SGCD: variants seen among roughly 807,000 people sequenced by gnomAD.
SGCD encodes sarcoglycan delta, also known as delta-sarcoglycan.
A neutral mutation model predicts 36.6 loss-of-function variants in SGCD; 18 were observed. That is an observed-to-expected ratio of 0.49 (90% CI 0.34 to 0.73). The LOEUF (loss-of-function observed/expected upper bound fraction) is 0.73. Among genes scored for constraint, SGCD ranks in the 30% least tolerant of loss-of-function variants. The pLI, the probability that SGCD is intolerant of heterozygous loss-of-function variation, is 0.01. For missense variants in SGCD, 387 were observed against 346.7 expected (o/e 1.12, Z -0.92); for synonymous variants, 133 against 130.6 (o/e 1.02, Z -0.12).
chr5:155,929,543 G>A (rs1405091790), intron 1 of SGCD, among the ~76,000 whole-genome samples: 1 of 151,938 alleles, frequency 6.6e-6, no homozygotes, highest in East Asian at 1.9e-4. Flanking sequence ...AGCTCATAGA[G>A]TAGCCTCTCT....
chr5:156,527,681 T>A (rs76042330), intron 4 of SGCD, among the ~76,000 whole-genome samples: 1 of 152,222 alleles, frequency 6.6e-6, no homozygotes, highest in South Asian at 2.1e-4. Context: ...AGCTTTTTTT[T>A]AAGTCATGAA....
chr5:155,949,773 A>C (rs571548154), intron 1 of SGCD, among the ~76,000 whole-genome samples: 1 of 152,342 alleles, frequency 6.6e-6, no homozygotes, highest in East Asian at 1.9e-4. Context: ...TAGTTGTGAC[A>C]GAAATCACCT....
At chr5:156,323,859 A>G (rs1767737379), upstream of SGCD, among the ~76,000 whole-genome samples, 2 of 152,180 alleles carry the variant, frequency 1.3e-5, no homozygotes, top group Admixed American at 1.3e-4. Context: ...GAGACTGATG[A>G]GGAGTCCTTT....
chr5:156,570,764 C>T (rs1004112099), intron 4 of SGCD, among the ~76,000 whole-genome samples: 1 of 152,092 alleles, frequency 6.6e-6, no homozygotes, highest in South Asian at 2.1e-4. Flanking sequence ...TTAATAGTAT[C>T]CATGAGTTAT....
At chr5:156,522,610 A>G (rs2113047793) in intron 4 of SGCD, among the ~76,000 whole-genome samples, 1 of 152,196 alleles carries the variant, frequency 6.6e-6, no homozygotes, top group South Asian at 2.1e-4. Context: ...GGAGAGCATC[A>G]GGAAAAACAG....
rs138319435 is a variant in SGCD, at chr5:156,006,105, C to T, written c.-281-111773C>T. On this transcript the variant is annotated intron_variant, in intron 1 of 9. Coordinates refer to the SGCD transcript ENST00000517913. Reference sequence around the variant, plus strand: ...CAGTTTGTAGGCATTAGCCCTACCTCTAGTACGGAGTAAACATTCAATCAT... The same window carrying T: ...CAGTTTGTAGGCATTAGCCCTACCTTTAGTACGGAGTAAACATTCAATCAT... 5.6e-3 allele frequency among the ~76,000 whole-genome samples: 850 copies of T among 152,254 alleles called. 15 individuals are homozygous for T. Among genetic ancestry groups the T allele is most frequent in the African/African-American group, 0.019 (797 of 41,536 alleles).
chr5:156,383,407 G>A (rs367997509), intron 3 of SGCD, among the ~76,000 whole-genome samples: 2 of 152,154 alleles, frequency 1.3e-5, no homozygotes, highest in African/African-American at 4.8e-5. Context: ...CAGAGGCTGA[G>A]ACAGGAGAAT....
chr5:155,987,366 G>A (rs370896852), intron 1 of SGCD, among the ~76,000 whole-genome samples: 3 of 152,168 alleles, frequency 2.0e-5, no homozygotes, highest in South Asian at 2.1e-4. Flanking sequence ...TAAAATCCAC[G>A]CTCTTCCATG....
chr5:156,541,003 G>T (rs141525821), intron 4 of SGCD, among the ~76,000 whole-genome samples: 1 of 152,162 alleles, frequency 6.6e-6, no homozygotes, highest in South Asian at 2.1e-4. Flanking sequence ...AAAGTGTGAC[G>T]TAAGGAGAAA....
At chr5:155,938,794 C>T (rs949091452) in intron 1 of SGCD, among the ~76,000 whole-genome samples, 4 of 152,166 alleles carry the variant, frequency 2.6e-5, no homozygotes, top group East Asian at 1.9e-4. Flanking sequence ...AGTATACCTG[C>T]GAAGTAGACA....
intron 7 of SGCD, among the ~76,000 whole-genome samples, chr5:156,684,678 C>T (rs775693899): frequency 5.9e-5 from 9 of 152,306 alleles, no homozygotes; most frequent in East Asian, 3.9e-4. Flanking sequence ...TTCTTTCCCC[C>T]AGCAGGCTGG....
intron 3 of SGCD, among the ~76,000 whole-genome samples, chr5:156,347,503 G>A (rs1580853484): frequency 6.6e-6 from 1 of 152,166 alleles, no homozygotes; most frequent in East Asian, 1.9e-4. Flanking sequence ...CATTTTGGAA[G>A]ATTTCTGGTT....
chr5:155,963,299 T>G (rs1350190615), intron 1 of SGCD, among the ~76,000 whole-genome samples: 1 of 152,164 alleles, frequency 6.6e-6, no homozygotes, highest in African/African-American at 2.4e-5. Flanking sequence ...AATAATGTAG[T>G]ATCTTTTCAT....
chr5:156,017,576 G>T (rs965682873), intron 1 of SGCD, among the ~76,000 whole-genome samples: 1 of 151,746 alleles, frequency 6.6e-6, no homozygotes, highest in Non-Finnish European at 1.5e-5. Flanking sequence ...ATAGTTAGAA[G>T]ACTTTATCCA....
the SGCD span, among the ~76,000 whole-genome samples, chr5:155,794,041 G>GTGTTGAAGAAACAAAGATTAT: frequency 6.6e-6 from 1 of 151,662 alleles, no homozygotes; most frequent in African/African-American, 2.4e-5. Context: ...ACAAAGATTA[G>GTGTTGAAGAAACAAAGATTAT]TGTTGAAGAC....
intron 4 of SGCD, among the ~76,000 whole-genome samples, chr5:156,539,165 G>T (rs1758247298): frequency 1.3e-5 from 2 of 151,846 alleles, no homozygotes; most frequent in South Asian, 4.2e-4. Flanking sequence ...GGGAAGGAAG[G>T]GGTGTGTCTG....
At chr5:156,275,117 G>A (rs1440675000) in intron 3 of SGCD, among the ~76,000 whole-genome samples, 1 of 152,154 alleles carries the variant, frequency 6.6e-6, no homozygotes, top group Admixed American at 6.6e-5. Flanking sequence ...GAGGGCAGAT[G>A]TGACATCTTG....
At chr5:155,865,472 G>T (rs1182874053), upstream of SGCD, among the ~76,000 whole-genome samples, 2 of 152,108 alleles carry the variant, frequency 1.3e-5, no homozygotes, top group Non-Finnish European at 2.9e-5. Context: ...AATATCCTTT[G>T]CAGATAATTG....
chr5:156,086,927 G>A (rs1348689904), intron 1 of SGCD, among the ~76,000 whole-genome samples: 1 of 152,168 alleles, frequency 6.6e-6, no homozygotes, highest in Non-Finnish European at 1.5e-5. Flanking sequence ...GCTGAATGGG[G>A]TGTAGTTAAA....
Sources: gnomAD v4.1 joint callset for allele counts (sites outside exome capture counted in the v4.1 genomes callset) on GRCh38, gnomAD v4.1.1 for gene constraint, MANE v1.5 for transcripts, NCBI Gene and HGNC (gene_info 2026-07-23, HGNC 2026-07-21) for gene names.